SCHIP1: variants seen among roughly 807,000 people sequenced by gnomAD.
SCHIP1 encodes the protein schwannomin interacting protein 1.
Under a neutral mutation model 29.7 loss-of-function variants are expected in SCHIP1, and 8 were observed. The ratio of observed to expected loss-of-function variants is 0.27; its 90% CI spans 0.16 to 0.49. The LOEUF (loss-of-function observed/expected upper bound fraction) is 0.49, where lower values mean the gene tolerates loss of function less well. Among genes scored for constraint, SCHIP1 ranks in the 20% least tolerant of loss-of-function variants. The pLI, the probability that SCHIP1 is intolerant of heterozygous loss-of-function variation, is 0.99. For synonymous variants in SCHIP1, 76 were observed against 94.9 expected (o/e 0.80, Z 1.16); for missense variants, 193 against 294.6 (o/e 0.66, Z 2.52).
chr3:159,468,773 A>T, the SCHIP1 span, among the ~76,000 whole-genome samples: 28 of 127,786 alleles, frequency 2.2e-4, no homozygotes, highest in Middle Eastern at 3.9e-3. Flanking sequence ...ATATATATAT[A>T]TATATTTTTT....
the SCHIP1 span, among the ~76,000 whole-genome samples, chr3:159,718,397 G>A: frequency 6.6e-6 from 1 of 152,156 alleles, no homozygotes; most frequent in African/African-American, 2.4e-5. Context: ...TCAGGCAGAA[G>A]AAAGAAATAA....
chr3:159,372,662 A>T, the SCHIP1 span, among the ~76,000 whole-genome samples: 1 of 152,150 alleles, frequency 6.6e-6, no homozygotes, highest in Non-Finnish European at 1.5e-5. Flanking sequence ...GTTTTTATAT[A>T]GCCTACAAAA....
chr3:159,865,773 A>G (rs146839157), intron 1 of SCHIP1, among the ~76,000 whole-genome samples: 1 of 152,348 alleles, frequency 6.6e-6, no homozygotes, highest in Non-Finnish European at 1.5e-5. Context: ...AGCAGAGAGA[A>G]GACAAGATCA....
chr3:159,865,594 A>T (rs1714536236), intron 1 of SCHIP1, among the ~76,000 whole-genome samples: 1 of 152,222 alleles, frequency 6.6e-6, no homozygotes, highest in African/African-American at 2.4e-5. Flanking sequence ...TGGAAACAAC[A>T]GTCCCCAACA....
the SCHIP1 span, among the ~76,000 whole-genome samples, chr3:159,736,489 A>G: frequency 7.2e-5 from 11 of 152,222 alleles, no homozygotes; most frequent in Non-Finnish European, 1.3e-4. Context: ...TTCTTCCCCA[A>G]CTCCCCAACT....
the SCHIP1 span, among the ~76,000 whole-genome samples, chr3:159,639,245 G>C: frequency 6.6e-6 from 1 of 151,916 alleles, no homozygotes; most frequent in East Asian, 1.9e-4. Context: ...CTCACCCTTA[G>C]TCCTCATTTT....
chr3:159,835,054 C>A (rs1211675251), upstream of SCHIP1, among the ~76,000 whole-genome samples: 1 of 152,084 alleles, frequency 6.6e-6, no homozygotes, highest in Non-Finnish European at 1.5e-5. Context: ...CTTTCATTGC[C>A]CAGTAAAGAA....
chr3:159,653,394 A>C, the SCHIP1 span, among the ~76,000 whole-genome samples: 1 of 152,214 alleles, frequency 6.6e-6, no homozygotes, highest in African/African-American at 2.4e-5. Flanking sequence ...TATACCATGG[A>C]ATACTATACA....
chr3:159,391,905 T>C, the SCHIP1 span, among the ~76,000 whole-genome samples: 10 of 152,308 alleles, frequency 6.6e-5, no homozygotes, highest in African/African-American at 2.4e-4. Context: ...AATCCATGCC[T>C]TCCAGCTGTA....
chr3:159,401,318 A>C, the SCHIP1 span: 1 of 937,758 alleles, frequency 1.1e-6, no homozygotes, highest in Non-Finnish European at 1.3e-6. Context: ...AAAATATACA[A>C]ACTCTATCTT....
the SCHIP1 span, among the ~76,000 whole-genome samples, chr3:159,581,668 A>AG: frequency 6.6e-6 from 1 of 152,200 alleles, no homozygotes; most frequent in African/African-American, 2.4e-5. Context: ...GGAAAGGGAA[A>AG]GGAACTCAAA....
chr3:159,766,588 A>G, the SCHIP1 span, among the ~76,000 whole-genome samples: 1 of 152,182 alleles, frequency 6.6e-6, no homozygotes, highest in Admixed American at 6.5e-5. Context: ...TTAGTTTGCT[A>G]TTGCGTGACA....
the SCHIP1 span, chr3:159,273,853 G>C: frequency 1.9e-6 from 3 of 1,613,440 alleles, no homozygotes; most frequent in Non-Finnish European, 2.5e-6. Context: ...TTACAACGTG[G>C]GACTGTGACC....
chr3:159,471,962 T>G, the SCHIP1 span, among the ~76,000 whole-genome samples: 1 of 152,168 alleles, frequency 6.6e-6, no homozygotes, highest in Non-Finnish European at 1.5e-5. Context: ...ATATATGCAG[T>G]ATAAAAGTAT....
At chr3:159,668,396 A>AAAAAAAAAAAAAAAAAAAAAAT in the SCHIP1 span, among the ~76,000 whole-genome samples, 1 of 150,362 alleles carries the variant, frequency 6.7e-6, no homozygotes, top group African/African-American at 2.5e-5. Context: ...AAAAAAAAAA[A>AAAAAAAAAAAAAAAAAAAAAAT]GAGTGAGTCC....
chr3:159,771,133 A>T, the SCHIP1 span, among the ~76,000 whole-genome samples: 9,987 of 152,252 alleles, frequency 0.066, 385 homozygotes, highest in South Asian at 0.2. Context: ...AATTACCTAC[A>T]TTTCTTCCTA....
chr3:159,803,354 C>G, the SCHIP1 span, among the ~76,000 whole-genome samples: 1 of 152,080 alleles, frequency 6.6e-6, no homozygotes, highest in Admixed American at 6.6e-5. Context: ...GAATACCTAC[C>G]AAGTCCTTTG....
chr3:159,335,183 T>C, the SCHIP1 span, among the ~76,000 whole-genome samples: 1 of 152,090 alleles, frequency 6.6e-6, no homozygotes, highest in Non-Finnish European at 1.5e-5. Flanking sequence ...TCTAAATAAC[T>C]AAGTTATTTA....
At chr3:159,401,180 A>C in the SCHIP1 span, 6 of 975,504 alleles carry the variant, frequency 6.2e-6, no homozygotes, top group Non-Finnish European at 7.3e-6. Context: ...CATACCCAAT[A>C]ATATTACACA....
Sources: gnomAD v4.1 joint callset for allele counts (sites outside exome capture counted in the v4.1 genomes callset) on GRCh38, gnomAD v4.1.1 for gene constraint, MANE v1.5 for transcripts, NCBI Gene and HGNC (gene_info 2026-07-23, HGNC 2026-07-21) for gene names.